Variants in PLCE1 observed in about 807,000 individuals in gnomAD.
PLCE1 encodes the protein 1-phosphatidylinositol 4,5-bisphosphate phosphodiesterase epsilon-1.
PLCE1 carries 119 observed loss-of-function variants against 242.8 expected under a neutral mutation model. The ratio of observed to expected loss-of-function variants is 0.49; its 90% CI spans 0.42 to 0.57. The LOEUF (loss-of-function observed/expected upper bound fraction) is 0.57, where lower values mean the gene tolerates loss of function less well. Ranked by LOEUF, PLCE1 falls within the 20% of genes least tolerant of loss-of-function variation. PLCE1 has a pLI of 0.00. For missense variants in PLCE1, 2,441 were observed against 2,788.8 expected (o/e 0.88, Z 2.81); for synonymous variants, 945 against 1,017.4 (o/e 0.93, Z 1.35).
chr10:94,001,604 A>G (rs991180891), intron 1 of PLCE1, among the ~76,000 whole-genome samples: 10 of 152,208 alleles, frequency 6.6e-5, no homozygotes, highest in Non-Finnish European at 1.5e-4. Flanking sequence ...ATCATTTGGG[A>G]AAAAAGCCTG....
intron 2 of PLCE1, among the ~76,000 whole-genome samples, chr10:94,129,763 AAAAAC>A (rs2046539532): frequency 7.1e-6 from 1 of 140,988 alleles, no homozygotes; most frequent in Non-Finnish European, 1.6e-5. Context: ...AAACAAAAAC[AAAAAC>A]AAAACAAACA....
At chr10:94,241,864 G>A (rs2137434338) in intron 7 of PLCE1, among the ~76,000 whole-genome samples, 1 of 151,516 alleles carries the variant, frequency 6.6e-6, no homozygotes, top group South Asian at 2.1e-4. Context: ...GAGGAAGTGA[G>A]AAAGGAAAAG....
chr10:94,032,340 A>G, intron 2 of PLCE1, 88 bp downstream of exon 2: 1 of 1,158,342 alleles, frequency 8.6e-7, no homozygotes, highest in Non-Finnish European at 1.3e-6. Context: ...ATAATTGATG[A>G]GAAATTTTAA....
intron 13 of PLCE1, among the ~76,000 whole-genome samples, chr10:94,261,755 G>A (rs1416112140): frequency 6.6e-6 from 1 of 152,064 alleles, no homozygotes; most frequent in African/African-American, 2.4e-5. Context: ...ACAGTACTTG[G>A]TATTTACCCA....
At chr10:94,113,271 TAA>T (rs11358009) in intron 2 of PLCE1, among the ~76,000 whole-genome samples, 3,224 of 144,032 alleles carry the variant, frequency 0.022, 86 homozygotes, top group African/African-American at 0.063. Flanking sequence ...AAGCTGCTGT[TAA>T]AAAAAAAAAA....
Position 94,324,903 on chromosome 10 carries a change from A to G in PLCE1, c.6732A>G (p.Glu2244=). The change falls in exon 32 of 33, where the codon GAA becomes GAG. Residue 2244 remains glutamate (E), a synonymous_variant. Coordinates refer to ENST00000371380, the MANE Select transcript of PLCE1 (RefSeq NM_016341.4). ...CTTTGTTCCCACAGGCATCTCGAGA[A>G]GATAAAAAGAAAGGCATTTCTTTCG... ...KLKEQVQASR[E]DKKKGISFAS... 1 of 1,614,198 alleles carries G rather than the reference A, an allele frequency of 6.2e-7. No individual in the cohort carries two copies. Among genetic ancestry groups the G allele is most frequent in the Non-Finnish European group, 8.5e-7 (1 of 1,180,024 alleles).
chr10:94,032,660 C>T (rs1033983139), intron 2 of PLCE1, among the ~76,000 whole-genome samples: 1 of 151,952 alleles, frequency 6.6e-6, no homozygotes, highest in Non-Finnish European at 1.5e-5. Flanking sequence ...CAACTAATGG[C>T]CCCACTTCCT....
At chr10:94,087,406 G>A (rs1392352473) in intron 2 of PLCE1, among the ~76,000 whole-genome samples, 1 of 149,222 alleles carries the variant, frequency 6.7e-6, no homozygotes, top group Non-Finnish European at 1.5e-5. Context: ...TATTCTGCAA[G>A]GAACCCTAGA....
chr10:94,023,251 A>T (rs2061404605), intron 1 of PLCE1, among the ~76,000 whole-genome samples: 1 of 152,202 alleles, frequency 6.6e-6, no homozygotes, highest in African/African-American at 2.4e-5. Context: ...TAAATTGCAC[A>T]AAATCCAATG....
intron 2 of PLCE1, among the ~76,000 whole-genome samples, chr10:94,063,760 T>A (rs1490962107): frequency 6.6e-6 from 1 of 152,152 alleles, no homozygotes; most frequent in Non-Finnish European, 1.5e-5. Flanking sequence ...GTGCAGGATT[T>A]TATGCGGCCT....
rs184114471 is a variant in PLCE1 at position 94,165,454 on chromosome 10, G to A, written c.1493-5726G>A. ...CAGGCGTGGGATACAATCTCCTGGT[G>A]TGCCATTTGCTCAGTTGGAAATGCA... On this transcript the variant is annotated intron_variant, in intron 3 of 32. Transcript: ENST00000371380. Among the ~76,000 whole-genome samples, 74 of 152,324 alleles carry A rather than the reference G, an allele frequency of 4.9e-4. 1 individual carries two copies. The highest frequency in any genetic ancestry group is 4.8e-3 in the Admixed American group (74 of 15,298).
At chr10:94,081,030 C>T (rs149324200) in intron 2 of PLCE1, among the ~76,000 whole-genome samples, 1,717 of 152,296 alleles carry the variant, frequency 0.011, 36 homozygotes, top group African/African-American at 0.038. Context: ...GGAAACTTGA[C>T]ATTTTGGCTA....
At chr10:94,264,505 T>G (rs902567448) in intron 14 of PLCE1, among the ~76,000 whole-genome samples, 2 of 145,594 alleles carry the variant, frequency 1.4e-5, no homozygotes, top group East Asian at 4.0e-4. Flanking sequence ...GGGAGTAACA[T>G]GATTTGATTT....
chr10:94,306,726 G>A lies in PLCE1; in HGVS notation c.5884+38G>A. ...TGTCCAAATGTTAATAATTGTTGTA[G>A]CTAGGTGATGGATGCCAGAATTTCC... is the stretch of plus-strand genomic sequence containing the variant. On this transcript the variant is annotated intron_variant, in intron 26 of 32. Coordinates refer to ENST00000371380, the MANE Select transcript of PLCE1 (RefSeq NM_016341.4). This position sits in a 1 kb window ranked among gnomAD's most constrained non-coding sequence, Gnocchi z 5.7. The A allele has an allele frequency of 6.8e-7, 1 of 1,481,280 alleles. No individual in the cohort carries two copies. The highest frequency in any genetic ancestry group is 9.3e-7 in the Non-Finnish European group (1 of 1,070,012). 91.8% of individuals were successfully genotyped at this position (1,481,280 alleles called of 1,614,324 possible).
intron 3 of PLCE1, among the ~76,000 whole-genome samples, chr10:94,133,317 A>G (rs1166282579): frequency 6.6e-6 from 1 of 152,166 alleles, no homozygotes. Context: ...TGGCATATGA[A>G]CTTCCCAGCT....
intron 3 of PLCE1, among the ~76,000 whole-genome samples, chr10:94,167,694 G>A (rs1327482802): frequency 1.8e-5 from 2 of 111,776 alleles, no homozygotes; most frequent in South Asian, 3.0e-4. Context: ...AACAGTCCCC[G>A]GTGTGTTCTC....
At chr10:94,321,410 G>A (rs889575020) in intron 29 of PLCE1, among the ~76,000 whole-genome samples, 1 of 152,166 alleles carries the variant, frequency 6.6e-6, no homozygotes, top group Admixed American at 6.6e-5. Context: ...GATGCAGGTG[G>A]ATCACAAGGT....
chr10:94,048,462 C>T (rs2043661506), intron 2 of PLCE1, among the ~76,000 whole-genome samples: 1 of 151,898 alleles, frequency 6.6e-6, no homozygotes, highest in Non-Finnish European at 1.5e-5. Context: ...TATGTTTCAA[C>T]TTGTTATTTT....
At chr10:94,212,422 G>A (rs2049370717) in intron 4 of PLCE1, among the ~76,000 whole-genome samples, 1 of 151,992 alleles carries the variant, frequency 6.6e-6, no homozygotes, top group South Asian at 2.1e-4. Flanking sequence ...ACGCCCAGCT[G>A]ATTTTTTGTA....
Sources: gnomAD v4.1 joint callset for allele counts (sites outside exome capture counted in the v4.1 genomes callset) on GRCh38, gnomAD v4.1.1 for gene constraint, Gnocchi (gnomAD v3.1) non-coding constraint, MANE v1.5 for transcripts, NCBI Gene and HGNC (gene_info 2026-07-23, HGNC 2026-07-21) for gene names.